NCKAP5: variants seen among roughly 807,000 people sequenced by gnomAD.
The protein encoded by NCKAP5 is nck-associated protein 5.
A neutral mutation model predicts 167.0 loss-of-function variants in NCKAP5; 92 were observed. That is an observed-to-expected ratio of 0.55 (90% CI 0.47 to 0.66). The LOEUF is 0.66. NCKAP5 is among the 30% of genes least tolerant of loss of function. The pLI, the probability that NCKAP5 is intolerant of heterozygous loss-of-function variation, is 0.00. For missense variants in NCKAP5, 2,378 were observed against 2,315.0 expected (o/e 1.03, Z -0.56); for synonymous variants, 891 against 877.4 (o/e 1.02, Z -0.27).
At chr2:133,054,400 G>A (rs1399163665) in intron 6 of NCKAP5, among the ~76,000 whole-genome samples, 5 of 152,342 alleles carry the variant, frequency 3.3e-5, no homozygotes, top group Admixed American at 2.0e-4. Flanking sequence ...GTTTACTGCT[G>A]GCTGAGGTGT....
At chr2:133,070,157 G>A (rs1233429569) in intron 6 of NCKAP5, among the ~76,000 whole-genome samples, 1 of 152,126 alleles carries the variant, frequency 6.6e-6, no homozygotes, top group African/African-American at 2.4e-5. Context: ...GTGAGTTTAT[G>A]ACTTCCTTTT....
At chr2:133,009,459 C>T (rs1259562434) in intron 6 of NCKAP5, among the ~76,000 whole-genome samples, 1 of 151,912 alleles carries the variant, frequency 6.6e-6, no homozygotes, top group Non-Finnish European at 1.5e-5. Flanking sequence ...GTATTAGATG[C>T]TGAAAAATAA....
At chr2:132,969,238 AT>A (rs2076757736) in intron 7 of NCKAP5, among the ~76,000 whole-genome samples, 1 of 151,986 alleles carries the variant, frequency 6.6e-6, no homozygotes, top group Non-Finnish European at 1.5e-5. Flanking sequence ...GGGTTTCATT[AT>A]GTTAGCCAGG....
chr2:133,223,253 T>C (rs1447633063), intron 4 of NCKAP5, among the ~76,000 whole-genome samples: 1 of 152,162 alleles, frequency 6.6e-6, no homozygotes, highest in African/African-American at 2.4e-5. Context: ...ACTAAAATCT[T>C]AAACAGAAGA....
chr2:132,786,213 T>C (rs1470713903), intron 13 of NCKAP5, among the ~76,000 whole-genome samples: 2 of 152,122 alleles, frequency 1.3e-5, no homozygotes, highest in Non-Finnish European at 2.9e-5. Context: ...AGAAATGGGG[T>C]GGGCAAAGAC....
chr2:133,562,585 C>G lies in NCKAP5; in HGVS notation c.-129-3468G>C, dbSNP rs536558059. On this transcript the variant is annotated intron_variant, in intron 1 of 19. Coordinates refer to ENST00000409261, the MANE Select transcript of NCKAP5 (RefSeq NM_207363.3). ...GAACTAACAGCTCTTCTTTCAACAC[C>G]GTAATATTTATCTGCCATGTTATTA... Among the ~76,000 whole-genome samples, 68 of 152,282 alleles carry G rather than the reference C, an allele frequency of 4.5e-4. 2 individuals carry two copies. The South Asian group carries it at 0.014, about 32-fold the overall frequency.
chr2:133,455,252 T>A (rs896858392), intron 3 of NCKAP5, among the ~76,000 whole-genome samples: 5 of 152,126 alleles, frequency 3.3e-5, no homozygotes, highest in Non-Finnish European at 7.4e-5. Flanking sequence ...AAATGATACA[T>A]CTCGATGAAG....
intron 7 of NCKAP5, among the ~76,000 whole-genome samples, chr2:132,982,492 T>C (rs764092201): frequency 6.6e-6 from 1 of 152,206 alleles, no homozygotes; most frequent in Non-Finnish European, 1.5e-5. Context: ...TGGGACTTCA[T>C]AGCAGTCTTT....
the NCKAP5 span, among the ~76,000 whole-genome samples, chr2:133,633,150 T>C: frequency 6.6e-6 from 1 of 152,134 alleles, no homozygotes; most frequent in Non-Finnish European, 1.5e-5. Flanking sequence ...AGAGGGGGGA[T>C]GTGTTCAGAC....
the NCKAP5 span, among the ~76,000 whole-genome samples, chr2:133,615,800 A>C: frequency 0.11 from 16,833 of 152,018 alleles, 1,320 homozygotes; most frequent in South Asian, 0.17. Context: ...ACCAAGTGGA[A>C]CTAATAGACA....
intron 6 of NCKAP5, among the ~76,000 whole-genome samples, chr2:133,113,779 C>A (rs1255065194): frequency 6.6e-6 from 1 of 152,154 alleles, no homozygotes; most frequent in Non-Finnish European, 1.5e-5. Flanking sequence ...GACATGACAG[C>A]TAGGGTGTAC....
chr2:133,002,798 T>C (rs2077831061), intron 6 of NCKAP5, among the ~76,000 whole-genome samples: 1 of 152,244 alleles, frequency 6.6e-6, no homozygotes, highest in African/African-American at 2.4e-5. Context: ...ATTGGGTAGA[T>C]ATTTGATAAA....
chr2:133,625,869 TC>T, the NCKAP5 span, among the ~76,000 whole-genome samples: 1 of 122,886 alleles, frequency 8.1e-6, no homozygotes. Flanking sequence ...GAGACTTGTC[TC>T]AAAAAAAAAA....
chr2:133,246,497 G>A (rs942661758), intron 4 of NCKAP5, among the ~76,000 whole-genome samples: 3 of 152,188 alleles, frequency 2.0e-5, no homozygotes, highest in Non-Finnish European at 4.4e-5. Context: ...TAGCAAGAAT[G>A]TACGTATTCC....
chr2:133,622,956 T>A, the NCKAP5 span, among the ~76,000 whole-genome samples: 1 of 151,216 alleles, frequency 6.6e-6, no homozygotes, highest in Admixed American at 6.6e-5. Context: ...AATAGGCACA[T>A]AGACCAATGC....
chr2:132,880,889 T>C (rs1558894192), intron 8 of NCKAP5, among the ~76,000 whole-genome samples: 1 of 152,216 alleles, frequency 6.6e-6, no homozygotes, highest in Admixed American at 6.5e-5. Context: ...GGAAAGTACC[T>C]TGTAGACATG....
chr2:133,214,969 G>A (rs372797657), intron 4 of NCKAP5, among the ~76,000 whole-genome samples: 3 of 152,168 alleles, frequency 2.0e-5, no homozygotes, highest in Admixed American at 6.5e-5. Context: ...AAGAAGACAC[G>A]TGCTTTTGTT....
chr2:133,056,238 A>T (rs947393105), intron 6 of NCKAP5, among the ~76,000 whole-genome samples: 9 of 151,934 alleles, frequency 5.9e-5, no homozygotes, highest in Non-Finnish European at 4.4e-5. Context: ...CTGCCTGAAA[A>T]CTTTCCCCAA....
chr2:133,536,219 T>A (rs1897428), intron 2 of NCKAP5, among the ~76,000 whole-genome samples: 1 of 152,134 alleles, frequency 6.6e-6, no homozygotes, highest in East Asian at 1.9e-4. Flanking sequence ...CCTAGGCCTA[T>A]GTCCAGAAGA....
Sources: gnomAD v4.1 joint callset for allele counts (sites outside exome capture counted in the v4.1 genomes callset) on GRCh38, gnomAD v4.1.1 for gene constraint, MANE v1.5 for transcripts, NCBI Gene and HGNC (gene_info 2026-07-23, HGNC 2026-07-21) for gene names.